Variants in ZNF93 observed in about 807,000 individuals in gnomAD.
ZNF93 encodes zinc finger protein 93.
ZNF93 carries 29 observed loss-of-function variants against 45.0 expected under a neutral mutation model. That is an observed-to-expected ratio of 0.64 (90% CI 0.48 to 0.88). ZNF93 has a LOEUF of 0.88. ZNF93 is among the 40% of genes least tolerant of loss of function. The pLI, the probability that ZNF93 is intolerant of heterozygous loss-of-function variation, is 0.00. For synonymous variants in ZNF93, 223 were observed against 244.6 expected (o/e 0.91, Z 0.82); for missense variants, 578 against 724.0 (o/e 0.80, Z 2.31).
intron 1 of ZNF93, among the ~76,000 whole-genome samples, chr19:19,903,019 G>C (rs2063280053): frequency 6.6e-6 from 1 of 151,980 alleles, no homozygotes; most frequent in South Asian, 2.1e-4. Flanking sequence ...GATTACAGGC[G>C]TGAGCCACCG....
chr19:19,920,083 G>A (rs1470096589), intron 3 of ZNF93, among the ~76,000 whole-genome samples: 1 of 152,110 alleles, frequency 6.6e-6, no homozygotes, highest in African/African-American at 2.4e-5. Flanking sequence ...TATTGGCTGT[G>A]GGTTTGTCAT....
At chr19:19,916,722 C>T in intron 3 of ZNF93, 67 bp downstream of exon 3, 3 of 1,168,710 alleles carry the variant, frequency 2.6e-6, no homozygotes, top group South Asian at 3.2e-5. Context: ...AAGAGAAAGC[C>T]AGTCCTTAAA....
chr19:19,910,254 C>T (rs1003198519), intron 1 of ZNF93, among the ~76,000 whole-genome samples: 2 of 152,084 alleles, frequency 1.3e-5, no homozygotes, highest in Non-Finnish European at 1.5e-5. Flanking sequence ...AATGCAAGTC[C>T]CTTTGGTTAT....
intron 1 of ZNF93, among the ~76,000 whole-genome samples, chr19:19,901,370 T>G (rs986108362): frequency 7.2e-5 from 11 of 152,188 alleles, no homozygotes; most frequent in Admixed American, 2.0e-4. Context: ...TCTCCCAGAT[T>G]GTGCAGAGAC....
chr19:19,911,424 A>G (rs965163991), intron 1 of ZNF93, among the ~76,000 whole-genome samples: 2 of 152,198 alleles, frequency 1.3e-5, no homozygotes, highest in Non-Finnish European at 2.9e-5. Context: ...CATACAAGAG[A>G]TATCTTTGGT....
chr19:19,916,964 T>C (rs1439577145), intron 3 of ZNF93, among the ~76,000 whole-genome samples: 2 of 152,234 alleles, frequency 1.3e-5, no homozygotes, highest in Admixed American at 6.5e-5. Context: ...TTTTCCATTC[T>C]TTTGGGGACA....
chr19:19,929,937 CAAAAAAA>C (rs71172547), intron 3 of ZNF93, among the ~76,000 whole-genome samples: 9 of 57,690 alleles, frequency 1.6e-4, no homozygotes, highest in African/African-American at 4.5e-4. Flanking sequence ...GACTCCGTCT[CAAAAAAA>C]AAAAAAAAAA....
intron 3 of ZNF93, among the ~76,000 whole-genome samples, chr19:19,918,050 A>G (rs2063330059): frequency 1.3e-5 from 2 of 151,636 alleles, no homozygotes; most frequent in Non-Finnish European, 2.9e-5. Flanking sequence ...TGCTGCACCC[A>G]TTAAGTCGTC....
intron 1 of ZNF93, among the ~76,000 whole-genome samples, chr19:19,902,775 C>T (rs1373321963): frequency 2.1e-5 from 3 of 146,084 alleles, no homozygotes; most frequent in African/African-American, 5.2e-5. Context: ...CTCGCTCTGT[C>T]GCCCAGGCTG....
chr19:19,917,981 A>G (rs2063329678), intron 3 of ZNF93, among the ~76,000 whole-genome samples: 1 of 148,048 alleles, frequency 6.8e-6, no homozygotes, highest in Non-Finnish European at 1.5e-5. Flanking sequence ...TTTAAGTCCT[A>G]GTGTAGATGT....
chr19:19,905,888 G>C (rs935522971), intron 1 of ZNF93, among the ~76,000 whole-genome samples: 27 of 152,256 alleles, frequency 1.8e-4, no homozygotes, highest in African/African-American at 6.3e-4. Flanking sequence ...CACCGCATCT[G>C]ACCATACTGT....
intron 3 of ZNF93, among the ~76,000 whole-genome samples, chr19:19,919,681 T>G (rs751512796): frequency 6.6e-6 from 1 of 152,206 alleles, no homozygotes; most frequent in African/African-American, 2.4e-5. Flanking sequence ...CCCTTTTAAG[T>G]TGGATTCCTA....
intron 3 of ZNF93, among the ~76,000 whole-genome samples, chr19:19,926,428 G>GA (rs2063356353): frequency 7.0e-6 from 1 of 143,676 alleles, no homozygotes; most frequent in East Asian, 2.0e-4. Flanking sequence ...TAGATTTTAT[G>GA]AGGAAACATT....
chr19:19,906,454 G>A (rs748445576), intron 1 of ZNF93, among the ~76,000 whole-genome samples: 7 of 152,130 alleles, frequency 4.6e-5, no homozygotes, highest in Non-Finnish European at 1.0e-4. Context: ...CAGAGACAAA[G>A]TTTGCAAATG....
At chr19:19,909,250 G>A (rs986827559) in intron 1 of ZNF93, 1 of 152,316 alleles carries the variant, frequency 6.6e-6, no homozygotes, top group South Asian at 2.1e-4. Flanking sequence ...TAGCGGTAAA[G>A]AGAGGACACT....
Position 19,933,879 on chromosome 19 carries a change from T to A in ZNF93, c.924T>A (p.Thr308=). 2 of 1,613,182 alleles carry A rather than the reference T, an allele frequency of 1.2e-6. No individual in the cohort carries two copies. The highest frequency in any genetic ancestry group is 1.7e-6 in the Non-Finnish European group (2 of 1,179,860). The change falls in exon 4 of 4, where the codon ACT becomes ACA. Residue 308 remains threonine, a synonymous_variant. Coordinates refer to ENST00000343769, the MANE Select transcript of ZNF93 (RefSeq NM_031218.4). ...STLTKHKKIH[T]GEKPYVCEEC... ...TTACTAAACATAAGAAAATTCATAC[T>A]GGAGAGAAGCCCTACGTTTGTGAAG...
At chr19:19,905,368 C>T (rs1364032873) in intron 1 of ZNF93, among the ~76,000 whole-genome samples, 3 of 152,196 alleles carry the variant, frequency 2.0e-5, no homozygotes, top group African/African-American at 7.2e-5. Flanking sequence ...ACTCCTCCCA[C>T]CCTCCACCCT....
At chr19:19,916,069 C>CTT (rs769502324) in intron 2 of ZNF93, among the ~76,000 whole-genome samples, 22,232 of 138,392 alleles carry the variant, frequency 0.16, 1,983 homozygotes, top group East Asian at 0.39. Context: ...TTTCTTTTTC[C>CTT]TTTTTTTTTT....
At chr19:19,903,525 T>G (rs1374388954) in intron 1 of ZNF93, among the ~76,000 whole-genome samples, 1 of 151,774 alleles carries the variant, frequency 6.6e-6, no homozygotes. Flanking sequence ...CCCAGCACTT[T>G]GGGAGGCCAA....
Sources: gnomAD v4.1 joint callset for allele counts (sites outside exome capture counted in the v4.1 genomes callset) on GRCh38, gnomAD v4.1.1 for gene constraint, MANE v1.5 for transcripts, NCBI Gene and HGNC (gene_info 2026-07-23, HGNC 2026-07-21) for gene names.